PHLDB3: variants seen among roughly 807,000 people sequenced by gnomAD.
PHLDB3 encodes the protein pleckstrin homology-like domain family B member 3.
In PHLDB3, 86 loss-of-function variants were observed where a neutral mutation model predicts 85.7. That is an observed-to-expected ratio of 1.00 (90% CI 0.84 to 1.20). PHLDB3 has a LOEUF of 1.20. Ranked by LOEUF, PHLDB3 falls within the 50% of genes most tolerant of loss-of-function variation. The pLI is 0.00. For synonymous variants in PHLDB3, 376 were observed against 349.8 expected, an observed-to-expected ratio of 1.07 and a Z score of -0.83; for missense variants, 995 against 873.0, an observed-to-expected ratio of 1.14 and a Z score of -1.76.
chr19:43,496,879 A>C, intron 6 of PHLDB3: 1 of 564,752 alleles, frequency 1.8e-6, no homozygotes, highest in African/African-American at 1.9e-5. Flanking sequence ...ACGTGAAAAA[A>C]AAAAAACGTA....
rs749863112 is a variant in PHLDB3, at chr19:43,490,199, A to G, written c.1150-3076T>C. Among the ~76,000 whole-genome samples the G allele has an allele frequency of 2.0e-5, 3 of 152,078 alleles. No individual in the cohort carries two copies. The East Asian group carries it at 5.8e-4, about 29-fold the overall frequency. On this transcript the variant is annotated intron_variant, in intron 9 of 15. Coordinates refer to ENST00000292140, the MANE Select transcript of PHLDB3 (RefSeq NM_198850.4). ...ATCGATCATTGAACTGTGGTTGTGT[A>G]AGAGAATGGGCTTGACATTAGGTAG...
chr19:43,480,264 TAAAAAAAAAAAA>T (rs57417757), intron 13 of PHLDB3, among the ~76,000 whole-genome samples: 4 of 71,608 alleles, frequency 5.6e-5, no homozygotes, highest in African/African-American at 1.2e-4. Flanking sequence ...CTTCTCTATT[TAAAAAAAAAAAA>T]AAAAAAAAAA....
intron 13 of PHLDB3, among the ~76,000 whole-genome samples, chr19:43,481,293 G>A (rs1316129126): frequency 6.6e-6 from 1 of 152,018 alleles, no homozygotes; most frequent in Non-Finnish European, 1.5e-5. Flanking sequence ...ACCAGCCTGG[G>A]GCAACATGGC....
intron 4 of PHLDB3, 71 bp downstream of exon 4, chr19:43,501,663 G>A: frequency 1.3e-6 from 2 of 1,543,916 alleles, no homozygotes; most frequent in Non-Finnish European, 1.7e-6. Flanking sequence ...GGGCGCAGGT[G>A]GCTAGGAGCA....
rs1970899496 is a variant in PHLDB3 at position 43,475,312 on chromosome 19, C to G, written c.*98G>C. ...TTCCCGGGAGAGTTCCAAAGCGGTG[C>G]GTCCAAGTTTTCCGGCAGTGGGCGG... On this transcript the variant is annotated 3_prime_UTR_variant, in exon 16 of 16. Coordinates refer to ENST00000292140, the MANE Select transcript of PHLDB3 (RefSeq NM_198850.4). 1.4e-6 allele frequency: 2 copies of G among 1,469,068 alleles called. No homozygotes were observed. Among genetic ancestry groups the G allele is most frequent in the South Asian group, 2.6e-5 (2 of 78,202 alleles). The allele number at this position is 1,469,068 out of a possible 1,614,324, so 91.0% of individuals were successfully genotyped here. A position where few individuals can be genotyped will look rare whatever the true frequency, so the allele number is the denominator to read the frequency against.
chr19:43,498,938 G>A (rs1343169069), intron 4 of PHLDB3, among the ~76,000 whole-genome samples: 2 of 152,130 alleles, frequency 1.3e-5, no homozygotes, highest in Non-Finnish European at 2.9e-5. Context: ...GAACGTGGTG[G>A]GAGAGGACAG....
At chr19:43,486,907 A>T in intron 10 of PHLDB3, 37 bp from the exon 11 acceptor site, 1 of 1,500,428 alleles carries the variant, frequency 6.7e-7, no homozygotes, top group African/African-American at 1.4e-5. Context: ...GGCTGGATAC[A>T]CCCTGGCCTG....
chr19:43,497,073 A>G, intron 6 of PHLDB3, 45 bp downstream of exon 6: 2 of 1,397,466 alleles, frequency 1.4e-6, no homozygotes, highest in East Asian at 2.7e-5. Flanking sequence ...CAGGGGAGAC[A>G]GAGAGGAGCA....
At chr19:43,486,363 C>T in intron 12 of PHLDB3, 41 bp from the exon 13 acceptor site, 4 of 1,565,280 alleles carry the variant, frequency 2.6e-6, no homozygotes, top group Non-Finnish European at 3.5e-6. Flanking sequence ...GATCCCAGCC[C>T]ATAAGATGGT....
intron 13 of PHLDB3, 66 bp from the exon 14 acceptor site, chr19:43,479,659 G>T: frequency 8.6e-7 from 1 of 1,167,724 alleles, no homozygotes; most frequent in Non-Finnish European, 1.2e-6. Context: ...GGAGCCCCTC[G>T]AGGGGAGCAA....
At position 43,486,801 on chromosome 19, in the gene PHLDB3, A is replaced by G. The variant is rs1001010634; in HGVS notation, c.1319T>C (p.Leu440Pro). The G allele has an allele frequency of 2.4e-5, 39 of 1,596,842 alleles. No individual in the cohort carries two copies. The highest frequency in any genetic ancestry group is 2.8e-5 in the Non-Finnish European group (33 of 1,170,004). ...DSGRYPLYQL[L>P]NCGRGNSCGA... ...TCACCTATTCCCACGGCCACAGTTC[A>G]GCAGCTGGTAGAGGGGGTATCTGCC... is the stretch of plus-strand genomic sequence containing the variant. The change falls in exon 11 of 16, where the codon CTG becomes CCG. Residue 440 changes from leucine (L) to proline (P), a missense_variant. Leu to Pro is a moderately conservative substitution (Grantham distance 98). Transcript: ENST00000292140.
At chr19:43,483,768 G>T (rs1043197266) in intron 13 of PHLDB3, among the ~76,000 whole-genome samples, 2 of 152,124 alleles carry the variant, frequency 1.3e-5, no homozygotes, top group African/African-American at 2.4e-5. Flanking sequence ...GAGATTAAAA[G>T]ATTTAAGAGA....
intron 4 of PHLDB3, among the ~76,000 whole-genome samples, chr19:43,499,906 A>T (rs952587520): frequency 1.4e-4 from 22 of 152,094 alleles, no homozygotes; most frequent in African/African-American, 4.1e-4. Context: ...CGCCCAGCTA[A>T]TTTTTTGTAT....
chr19:43,486,839 T>C lies in PHLDB3; in HGVS notation c.1281A>G (p.Ala427=). Residue 427 remains alanine (A), a synonymous_variant, in exon 11 of 16, where the codon GCA becomes GCG. Coordinates refer to ENST00000292140, the MANE Select transcript of PHLDB3 (RefSeq NM_198850.4). ...ESLEASALPP[A]VGDSGRYPLY... ...GGGGGTATCTGCCGGAGTCCCCCAC[T>C]GCTGGCGGGAGAGCTGAGGCCTCCA... 1 of 1,577,416 alleles carries C rather than the reference T, an allele frequency of 6.3e-7. No individual in the cohort carries two copies.
At chr19:43,491,279 C>T (rs1033190017) in intron 9 of PHLDB3, among the ~76,000 whole-genome samples, 3 of 152,116 alleles carry the variant, frequency 2.0e-5, no homozygotes, top group Non-Finnish European at 2.9e-5. Context: ...ATCTGCTAAC[C>T]CTTCACCCAA....
In PHLDB3 at chr19:43,486,626, G is replaced by A. The variant is rs754037425; in HGVS notation, c.1411C>T (p.Arg471Trp). 18 of 1,613,396 alleles carry A rather than the reference G, an allele frequency of 1.1e-5. No homozygotes were observed. Among genetic ancestry groups the A allele is most frequent in the East Asian group, 8.9e-5 (4 of 44,888 alleles). The change falls in exon 12 of 16, where the codon CGG (arginine) becomes TGG (tryptophan). Residue 471 changes from arginine (R) to tryptophan (W), a missense_variant. Arg to Trp is a moderately radical substitution (Grantham distance 101). Coordinates refer to ENST00000292140, the MANE Select transcript of PHLDB3 (RefSeq NM_198850.4). ...GCTCTCACCCGGGCCTTGAGCAGCC[G>A]CTCCCTCTCCGCCATGGCCTGCTGC... ...LLQQAMAERERLLKAREGTRR... is the reference protein window; with the variant it reads ...LLQQAMAEREWLLKAREGTRR...
In PHLDB3 at chr19:43,495,587, C is replaced by T; in HGVS notation, c.859G>A (p.Glu287Lys). The change falls in exon 7 of 16, where the codon GAA (glutamate) becomes AAA (lysine). Residue 287 changes from glutamate to lysine, a missense_variant. Physicochemically the swap from Glu to Lys is moderately conservative, Grantham distance 56 (BLOSUM62 1). Coordinates refer to ENST00000292140, the MANE Select transcript of PHLDB3 (RefSeq NM_198850.4). Reference sequence around the variant, plus strand: ...TCCCCCAGTGACTTGAGCTGCTCTTCCAGGACCCGGATCCGGTGCTGCAGA... The same window carrying T: ...TCCCCCAGTGACTTGAGCTGCTCTTTCAGGACCCGGATCCGGTGCTGCAGA... ...GALQHRIRVL[E>K]EQLKSLGEQM... The T allele has an allele frequency of 1.9e-6, 3 of 1,610,438 alleles. No homozygotes were observed. Among genetic ancestry groups the T allele is most frequent in the Non-Finnish European group, 2.5e-6 (3 of 1,178,502 alleles).
intron 4 of PHLDB3, 74 bp from the exon 5 acceptor site, chr19:43,497,950 C>T: frequency 6.5e-7 from 1 of 1,531,110 alleles, no homozygotes; most frequent in South Asian, 1.2e-5. Flanking sequence ...TATCTCAGAG[C>T]CTGCCTGGGG....
Position 43,502,181 on chromosome 19 carries a change from G to C in PHLDB3, c.316C>G (p.Leu106Val). ...GAARRLQGQQ[L>V]EALTRVALME... ...AGGGCCACACGAGTCAATGCCTCCA[G>C]CTGCTGTCCTTGCAGGCGCCGCGCC... Residue 106 changes from leucine (L) to valine (V), a missense_variant, in exon 3 of 16, where the codon CTG becomes GTG. Physicochemically the swap from Leu to Val is conservative, Grantham distance 32 (BLOSUM62 1). Coordinates refer to ENST00000292140, the MANE Select transcript of PHLDB3 (RefSeq NM_198850.4). 6.3e-7 allele frequency: 1 copy of C among 1,578,756 alleles called. No individual in the cohort carries two copies. The highest frequency in any genetic ancestry group is 8.6e-7 in the Non-Finnish European group (1 of 1,162,856).
Sources: allele counts gnomAD v4.1 joint callset (sites outside exome capture counted in the v4.1 genomes callset), GRCh38; gene constraint gnomAD v4.1.1; transcripts MANE v1.5; gene names NCBI Gene and HGNC (gene_info 2026-07-23, HGNC 2026-07-21).